Variants in SV2C observed in about 807,000 individuals in gnomAD.
SV2C encodes the protein solute carrier family 22 member B3.
SV2C carries 49 observed loss-of-function variants against 79.7 expected under a neutral mutation model. The ratio of observed to expected loss-of-function variants is 0.61; its 90% confidence interval spans 0.49 to 0.78. The LOEUF (loss-of-function observed/expected upper bound fraction) is 0.78, where lower values mean the gene tolerates loss of function less well. SV2C is among the 30% of genes least tolerant of loss of function. The probability of loss-of-function intolerance (pLI) is 0.00; values close to 1 mark genes in which losing one functional copy is unlikely to be tolerated. For synonymous variants in SV2C, 334 were observed against 333.2 expected (o/e 1.00, Z -0.03); for missense variants, 833 against 912.9 (o/e 0.91, Z 1.13).
At chr5:75,862,916 G>C in the SV2C span, among the ~76,000 whole-genome samples, 1 of 152,188 alleles carries the variant, frequency 6.6e-6, no homozygotes, top group Non-Finnish European at 1.5e-5. Flanking sequence ...GTGGTACAGT[G>C]CAGTGGTTGG....
chr5:75,863,759 A>G, the SV2C span, among the ~76,000 whole-genome samples: 1 of 152,240 alleles, frequency 6.6e-6, no homozygotes, highest in Non-Finnish European at 1.5e-5. Context: ...AACATTTACC[A>G]AACAAGATTT....
In SV2C at chr5:76,285,186, C is replaced by T; in HGVS notation, c.938C>T (p.Ala313Val). 6.2e-7 allele frequency: 1 copy of T among 1,614,204 alleles called. No individual in the cohort carries two copies. Among genetic ancestry groups the T allele is most frequent in the Admixed American group, 1.7e-5 (1 of 60,032 alleles). Residue 313 changes from alanine (A) to valine (V), a missense_variant, in exon 5 of 13, where the codon GCC becomes GTC. Physicochemically the swap from Ala to Val is moderately conservative, Grantham distance 64. Coordinates refer to ENST00000502798, the MANE Select transcript of SV2C (RefSeq NM_014979.4). ...GGGTGGAGCTTCAGCATGGGATCGG[C>T]CTACCAGTTTCACAGTTGGCGTGTG... ...HYGWSFSMGS[A>V]YQFHSWRVFV...
the SV2C span, among the ~76,000 whole-genome samples, chr5:75,880,422 G>A: frequency 1.3e-5 from 2 of 152,242 alleles, no homozygotes; most frequent in South Asian, 4.1e-4. Flanking sequence ...AAGAAGCCAG[G>A]TCACATCTTG....
chr5:76,321,875 T>C (rs551022856), intron 12 of SV2C, among the ~76,000 whole-genome samples: 1 of 152,334 alleles, frequency 6.6e-6, no homozygotes, highest in Non-Finnish European at 1.5e-5. Flanking sequence ...TATACCTGCG[T>C]ATCTTAAAGA....
intron 4 of SV2C, among the ~76,000 whole-genome samples, chr5:76,231,701 T>C (rs1415494351): frequency 1.4e-5 from 2 of 143,126 alleles, no homozygotes; most frequent in Non-Finnish European, 2.9e-5. Flanking sequence ...GGTGTTTTGT[T>C]CTTGTGATAG....
At position 76,234,949 on chromosome 5, in the gene SV2C, G is replaced by A. The variant is rs546306950; in HGVS notation, c.913+25062G>A. 9.2e-4 allele frequency among the ~76,000 whole-genome samples: 140 copies of A among 152,288 alleles called. 4 individuals carry two copies. The highest frequency in any genetic ancestry group is 6.0e-4 in the Non-Finnish European group (41 of 68,028). On this transcript the variant is annotated intron_variant, in intron 4 of 12. Coordinates refer to ENST00000502798, the MANE Select transcript of SV2C (RefSeq NM_014979.4). Reference sequence around the variant, plus strand: ...AGACTTCATCAGAATTATTTACTGCGTTTGCTAAGACAGGGACATTCGATC... The same window carrying A: ...AGACTTCATCAGAATTATTTACTGCATTTGCTAAGACAGGGACATTCGATC...
At chr5:75,988,785 G>A in the SV2C span, among the ~76,000 whole-genome samples, 1 of 151,928 alleles carries the variant, frequency 6.6e-6, no homozygotes, top group African/African-American at 2.4e-5. Context: ...TTAAGAAGCA[G>A]CAAATGGAGG....
chr5:76,042,142 G>A, the SV2C span, among the ~76,000 whole-genome samples: 1 of 152,166 alleles, frequency 6.6e-6, no homozygotes, highest in East Asian at 1.9e-4. Context: ...CTACAAGTCA[G>A]TCCCTTGGGT....
At chr5:75,927,845 TA>T in the SV2C span, among the ~76,000 whole-genome samples, 1 of 151,872 alleles carries the variant, frequency 6.6e-6, no homozygotes, top group African/African-American at 2.4e-5. Context: ...TCAATAAAGC[TA>T]AAAAAAATTT....
At chr5:76,103,230 C>A (rs530196204) in intron 1 of SV2C, among the ~76,000 whole-genome samples, 3 of 152,236 alleles carry the variant, frequency 2.0e-5, no homozygotes, top group African/African-American at 7.2e-5. Flanking sequence ...TTTGTAGTCA[C>A]TGAAATGCAA....
intron 2 of SV2C, among the ~76,000 whole-genome samples, chr5:76,180,187 T>C (rs1430787642): frequency 6.6e-6 from 1 of 152,210 alleles, no homozygotes; most frequent in Non-Finnish European, 1.5e-5. Context: ...TGAACATAGA[T>C]CAAAAATTGT....
At chr5:75,951,784 C>T in the SV2C span, among the ~76,000 whole-genome samples, 1 of 151,996 alleles carries the variant, frequency 6.6e-6, no homozygotes, top group Non-Finnish European at 1.5e-5. Context: ...GAAATAGACA[C>T]TCATTCTGGA....
At chr5:75,941,345 G>A in the SV2C span, among the ~76,000 whole-genome samples, 1 of 152,100 alleles carries the variant, frequency 6.6e-6, no homozygotes, top group Non-Finnish European at 1.5e-5. Context: ...TTCTAAAACA[G>A]ATATTGGCTT....
chr5:75,892,087 T>C, the SV2C span, among the ~76,000 whole-genome samples: 3 of 152,094 alleles, frequency 2.0e-5, no homozygotes, highest in African/African-American at 7.2e-5. Flanking sequence ...TGGTAATCTC[T>C]CATTCAAATT....
chr5:75,850,434 G>T, the SV2C span, among the ~76,000 whole-genome samples: 147 of 152,150 alleles, frequency 9.7e-4, no homozygotes, highest in Middle Eastern at 3.4e-3. Flanking sequence ...TGAAACTCTA[G>T]CTTCTTATTT....
the SV2C span, among the ~76,000 whole-genome samples, chr5:75,888,140 A>T: frequency 6.6e-6 from 1 of 152,080 alleles, no homozygotes; most frequent in African/African-American, 2.4e-5. Flanking sequence ...CATTCTGTTC[A>T]TCTCAGTCCA....
In SV2C at chr5:76,297,127, T is replaced by C. The variant is rs976874206; in HGVS notation, c.1502+1185T>C. ...GCAATATAATGATTACTAATTTTAA[T>C]AGTATTACAGTTTTTGTAAAACATA... On this transcript the variant is annotated intron_variant, in intron 9 of 12. Coordinates refer to ENST00000502798, the MANE Select transcript of SV2C (RefSeq NM_014979.4). Among the ~76,000 whole-genome samples the C allele has an allele frequency of 1.1e-4, 16 of 152,352 alleles. 1 individual carries two copies. The South Asian group carries it at 3.3e-3, about 32-fold the overall frequency.
chr5:76,010,013 T>C, the SV2C span, among the ~76,000 whole-genome samples: 3 of 92,798 alleles, frequency 3.2e-5, no homozygotes, highest in African/African-American at 8.0e-5. Context: ...TTTTTTTTTT[T>C]GTCTGTTTTC....
At chr5:76,285,917 G>A in intron 6 of SV2C, 47 bp downstream of exon 6, 1 of 1,547,124 alleles carries the variant, frequency 6.5e-7, no homozygotes, top group South Asian at 1.2e-5. Flanking sequence ...ATTGGGACAT[G>A]TTTTCTGTCA....
Sources: allele counts gnomAD v4.1 joint callset (sites outside exome capture counted in the v4.1 genomes callset), GRCh38; gene constraint gnomAD v4.1.1; transcripts MANE v1.5; gene names NCBI Gene and HGNC (gene_info 2026-07-23, HGNC 2026-07-21).